Variants in EDNRB observed in about 807,000 individuals in gnomAD.
EDNRB encodes the protein endothelin receptor type B.
A neutral mutation model predicts 46.4 loss-of-function variants in EDNRB; 18 were observed. That is an observed-to-expected ratio of 0.39 (90% CI 0.27 to 0.57). The LOEUF is 0.57. EDNRB is among the 20% of genes least tolerant of loss of function. The pLI is 0.61. For synonymous variants in EDNRB, 213 were observed against 204.9 expected (o/e 1.04, Z -0.34); for missense variants, 434 against 537.5 (o/e 0.81, Z 1.90).
At chr13:77,906,065 T>G (rs1490484134) in intron 1 of EDNRB, among the ~76,000 whole-genome samples, 2 of 151,882 alleles carry the variant, frequency 1.3e-5, no homozygotes, top group Non-Finnish European at 2.9e-5. Context: ...CTGTGCGCCC[T>G]GAGGCTGTGA....
At chr13:77,961,957 A>T (rs953541737) in intron 1 of EDNRB, among the ~76,000 whole-genome samples, 5 of 152,110 alleles carry the variant, frequency 3.3e-5, no homozygotes, top group Non-Finnish European at 7.4e-5. Flanking sequence ...TATCACCACC[A>T]ATCCCACAGA....
chr13:77,941,900 A>G (rs1412434732), intron 1 of EDNRB, among the ~76,000 whole-genome samples: 4 of 152,246 alleles, frequency 2.6e-5, no homozygotes, highest in African/African-American at 9.6e-5. Context: ...GTTACTATTC[A>G]TAAACATCAG....
chr13:77,918,993 C>A, upstream of EDNRB: 2 of 919,616 alleles, frequency 2.2e-6, no homozygotes, highest in Non-Finnish European at 2.7e-6. This position sits in a 1 kb window ranked among gnomAD's most constrained non-coding sequence, Gnocchi z 4.5. Flanking sequence ...GTGGGAACCG[C>A]GGAATTAAGG....
intron 1 of EDNRB, among the ~76,000 whole-genome samples, chr13:77,927,029 C>T (rs377730031): frequency 1.1e-4 from 17 of 152,280 alleles, no homozygotes; most frequent in African/African-American, 2.2e-4. Context: ...AATTATTTCC[C>T]GCCAGGTATC....
intron 1 of EDNRB, among the ~76,000 whole-genome samples, chr13:77,964,899 G>C (rs987244700): frequency 3.3e-5 from 5 of 152,134 alleles, no homozygotes; most frequent in African/African-American, 1.2e-4. Flanking sequence ...AATAGTAGAA[G>C]AGAAAGGACT....
intron 1 of EDNRB, among the ~76,000 whole-genome samples, chr13:77,959,008 G>A (rs547286499): frequency 7.6e-4 from 116 of 152,368 alleles, no homozygotes; most frequent in African/African-American, 2.7e-3. Context: ...GGATTGTGGA[G>A]ATGACAAGGA....
At chr13:77,933,487 T>C (rs908427558) in intron 1 of EDNRB, among the ~76,000 whole-genome samples, 29 of 152,240 alleles carry the variant, frequency 1.9e-4, no homozygotes, top group African/African-American at 6.0e-4. Flanking sequence ...TTTCACAAGA[T>C]AATGTCATCA....
intron 1 of EDNRB, among the ~76,000 whole-genome samples, chr13:77,944,178 G>A (rs1168227847): frequency 6.6e-6 from 1 of 152,062 alleles, no homozygotes; most frequent in Non-Finnish European, 1.5e-5. Context: ...TTACCAGGTT[G>A]TATGACCAGA....
upstream of EDNRB, among the ~76,000 whole-genome samples, chr13:77,921,352 C>T (rs1017529454): frequency 6.6e-6 from 1 of 152,210 alleles, no homozygotes; most frequent in Non-Finnish European, 1.5e-5. Flanking sequence ...ATTTAAAACA[C>T]AGTATCAGCT....
At chr13:77,904,525 A>G (rs752196275) in intron 1 of EDNRB, among the ~76,000 whole-genome samples, 9 of 151,996 alleles carry the variant, frequency 5.9e-5, no homozygotes, top group African/African-American at 9.7e-5. Flanking sequence ...ACTCTAAAAT[A>G]TAACAGTGAC....
At chr13:77,931,651 A>C (rs1283481994) in intron 1 of EDNRB, among the ~76,000 whole-genome samples, 1 of 151,510 alleles carries the variant, frequency 6.6e-6, no homozygotes, top group Non-Finnish European at 1.5e-5. Flanking sequence ...AGAGGGAGAG[A>C]AGCACTCTTG....
rs1878620673 is a variant in EDNRB, at chr13:77,896,310, G to T, written c.*1890C>A. The stretch of plus-strand genomic sequence containing the variant: ...ATTAATAAACTGTGAAAATATTAGT[G>T]ATTCAAAATTAATTTAAAATTGAGA... On this transcript the variant is annotated 3_prime_UTR_variant, in exon 7 of 7. Transcript: ENST00000646607. The T allele has an allele frequency of 5.0e-6, 4 of 807,816 alleles. No individual in the cohort carries two copies. Among genetic ancestry groups the T allele is most frequent in the Admixed American group, 4.0e-5 (1 of 25,026 alleles). The allele number at this position is 807,816 out of a possible 1,614,324, so 50.0% of individuals were successfully genotyped here. A position where few individuals can be genotyped will look rare whatever the true frequency, so the allele number is the denominator to read the frequency against.
chr13:77,945,876 C>CAAAAAAAAAAAAAAAA (rs67463440), intron 1 of EDNRB, among the ~76,000 whole-genome samples: 4 of 115,592 alleles, frequency 3.5e-5, no homozygotes, highest in Admixed American at 9.0e-5. Context: ...TGCAAAAAAC[C>CAAAAAAAAAAAAAAAA]AAAAAAAAAA....
chr13:77,957,126 AT>A (rs1253747354), intron 1 of EDNRB, among the ~76,000 whole-genome samples: 4 of 152,228 alleles, frequency 2.6e-5, no homozygotes, highest in Admixed American at 2.0e-4. Context: ...TGAACAATAA[AT>A]TATGTCACTG....
At chr13:77,964,406 G>A (rs9544649) in intron 1 of EDNRB, among the ~76,000 whole-genome samples, 150,214 of 152,336 alleles carry the variant, frequency 0.99, 74,100 homozygotes, top group Middle Eastern at 1. Context: ...AGACTGGATT[G>A]AGAAAATGTG....
At chr13:77,949,602 C>T (rs989391118) in intron 1 of EDNRB, among the ~76,000 whole-genome samples, 30 of 152,082 alleles carry the variant, frequency 2.0e-4, no homozygotes, top group African/African-American at 6.8e-4. Context: ...TGTGGGAACA[C>T]GGAAACCAAG....
chr13:77,925,758 C>T (rs113198864), intron 1 of EDNRB, among the ~76,000 whole-genome samples: 1 of 152,186 alleles, frequency 6.6e-6, no homozygotes, highest in Non-Finnish European at 1.5e-5. Flanking sequence ...GCACCGCCTA[C>T]TGGAGCTGTC....
chr13:77,959,587 A>G (rs7986195), intron 1 of EDNRB, among the ~76,000 whole-genome samples: 136,591 of 152,238 alleles, frequency 0.9, 61,345 homozygotes, highest in East Asian at 0.99. Flanking sequence ...CACAAAGATG[A>G]GGGAGAAACA....
At chr13:77,930,195 A>G (rs767475579) in intron 1 of EDNRB, among the ~76,000 whole-genome samples, 2 of 152,208 alleles carry the variant, frequency 1.3e-5, no homozygotes, top group Non-Finnish European at 2.9e-5. Context: ...CTGCAAAAAC[A>G]TGGTTCAGGT....
Sources: gnomAD v4.1 joint callset for allele counts (sites outside exome capture counted in the v4.1 genomes callset) on GRCh38, gnomAD v4.1.1 for gene constraint, Gnocchi (gnomAD v3.1) non-coding constraint, MANE v1.5 for transcripts, NCBI Gene and HGNC (gene_info 2026-07-23, HGNC 2026-07-21) for gene names.